Variants in CNNM2 observed in about 807,000 individuals in gnomAD.
The protein encoded by CNNM2 is cyclin and CBS domain divalent metal cation transport mediator 2.
In CNNM2, 12 loss-of-function variants were observed where a neutral mutation model predicts 66.9. The observed-to-expected ratio is 0.18, with a 90% CI of 0.11 to 0.29. The LOEUF (loss-of-function observed/expected upper bound fraction) is 0.29. CNNM2 is among the 10% of genes least tolerant of loss of function. CNNM2 has a pLI of 1.00. For synonymous variants in CNNM2, 557 were observed against 501.8 expected (o/e 1.11, Z -1.47); for missense variants, 705 against 1,167.7 (o/e 0.60, Z 5.77).
intron 1 of CNNM2, among the ~76,000 whole-genome samples, chr10:102,924,750 G>A (rs184219390): frequency 2.0e-5 from 3 of 151,900 alleles, no homozygotes; most frequent in East Asian, 1.9e-4. Context: ...GATTACAGGT[G>A]CATGCCACCA....
intron 1 of CNNM2, among the ~76,000 whole-genome samples, chr10:102,965,385 G>A (rs1197954595): frequency 1.3e-5 from 2 of 152,170 alleles, no homozygotes; most frequent in Non-Finnish European, 2.9e-5. Flanking sequence ...ATATAGACGG[G>A]GGATTATTTG....
intron 1 of CNNM2, among the ~76,000 whole-genome samples, chr10:102,988,083 G>T (rs1235650275): frequency 6.6e-6 from 1 of 152,140 alleles, no homozygotes; most frequent in Non-Finnish European, 1.5e-5. Flanking sequence ...TGGATCACCT[G>T]AGGTCAGGAG....
At chr10:102,980,123 C>G (rs915794353) in intron 1 of CNNM2, among the ~76,000 whole-genome samples, 5 of 151,784 alleles carry the variant, frequency 3.3e-5, no homozygotes, top group Non-Finnish European at 1.5e-5. Context: ...GCCATGTTGG[C>G]AGGCTGGTCT....
chr10:102,967,878 A>G (rs1009505845), intron 1 of CNNM2, among the ~76,000 whole-genome samples: 2 of 152,144 alleles, frequency 1.3e-5, no homozygotes, highest in African/African-American at 4.8e-5. Flanking sequence ...CATGGTGGCA[A>G]GTGCCTGTAA....
rs1425980851 is a variant in CNNM2, at chr10:103,086,144, G to GC, written c.*8965dup. On this transcript the variant is annotated 3_prime_UTR_variant, in exon 8 of 8. Transcript: ENST00000369878. ...AGTAGTGCATGTTTTTCTTCTATCT[G>GC]CAGGGTTGCTCTGGTAGCTCCATGG... 1 of 152,200 alleles carries GC rather than the reference G, an allele frequency of 6.6e-6. No homozygotes were observed. Among genetic ancestry groups the GC allele is most frequent in the Non-Finnish European group, 1.5e-5 (1 of 68,026 alleles). 9.4% of individuals were successfully genotyped at this position (152,200 alleles called of 1,614,324 possible). A position where few individuals can be genotyped will look rare whatever the true frequency, so the allele number is the denominator to read the frequency against.
At position 103,090,143 on chromosome 10, in the gene CNNM2, G is replaced by A; in HGVS notation, c.*12963G>A. On this transcript the variant is annotated 3_prime_UTR_variant, in exon 8 of 8. Coordinates refer to ENST00000369878, the MANE Select transcript of CNNM2 (RefSeq NM_017649.5). ...CTGCAGCTGGAAATTGGAAAAGATG[G>A]AGAGGGGAGTTTACTTTCTATTTTA... 2.3e-6 allele frequency: 1 copy of A among 439,954 alleles called. No homozygotes were observed. Among genetic ancestry groups the A allele is most frequent in the East Asian group, 3.4e-5 (1 of 29,450 alleles). The allele number at this position is 439,954 out of a possible 1,614,324, so 27.3% of individuals were successfully genotyped here.
rs548100686 is a variant in CNNM2 at position 102,997,288 on chromosome 10, G to T, written c.1622-52419G>T. On this transcript the variant is annotated intron_variant, in intron 1 of 7. Coordinates refer to ENST00000369878, the MANE Select transcript of CNNM2 (RefSeq NM_017649.5). ...GTTTTATCCTAATTCTTGATCCACTGCAGGTGACTGATTTCTCTGGAAGCT... is the reference window on the plus strand; with the variant it reads ...GTTTTATCCTAATTCTTGATCCACTTCAGGTGACTGATTTCTCTGGAAGCT... Among the ~76,000 whole-genome samples the T allele has an allele frequency of 3.3e-5, 5 of 152,258 alleles. No homozygotes were observed. The South Asian group carries it at 1.0e-3, about 32-fold the overall frequency.
In CNNM2 at chr10:103,054,872, A is replaced by G. The variant is rs563313493; in HGVS notation, c.1903+406A>G. On this transcript the variant is annotated intron_variant, in intron 3 of 7. Transcript: ENST00000369878. The surrounding 1 kb of genome is among the most constrained non-coding windows in gnomAD (Gnocchi z 5.2). ...CTTGTTTGATGGACAATTGAGTCCA[A>G]TCTCTCTTCAGCTTGTCCTGGAAGC... is the stretch of plus-strand genomic sequence containing the variant. 2.0e-5 allele frequency among the ~76,000 whole-genome samples: 3 copies of G among 152,336 alleles called. No individual in the cohort carries two copies. Among genetic ancestry groups the G allele is most frequent in the East Asian group, 1.9e-4 (1 of 5,184 alleles).
chr10:102,943,558 G>A lies in CNNM2; in HGVS notation c.1621+23457G>A, dbSNP rs116605959. ...TTTTCTTCTGTACTTTCTAAATTGA[G>A]CAGGCATTACTTTTATTATTTAGGA... On this transcript the variant is annotated intron_variant, in intron 1 of 7. Transcript: ENST00000369878. 0.012 allele frequency among the ~76,000 whole-genome samples: 1,898 copies of A among 152,206 alleles called. 49 individuals are homozygous for A. The highest frequency in any genetic ancestry group is 0.043 in the African/African-American group (1,804 of 41,516).
chr10:102,987,819 G>A (rs1455284802), intron 1 of CNNM2, among the ~76,000 whole-genome samples: 3 of 152,118 alleles, frequency 2.0e-5, no homozygotes, highest in African/African-American at 7.2e-5. Context: ...TGTGTGAAAT[G>A]TGGGGCAGGA....
At chr10:102,949,751 C>A (rs1157797520) in intron 1 of CNNM2, among the ~76,000 whole-genome samples, 1 of 152,048 alleles carries the variant, frequency 6.6e-6, no homozygotes, top group Non-Finnish European at 1.5e-5. Context: ...GATTGCGCCA[C>A]TGTACTCCAG....
At position 102,920,068 on chromosome 10, in the gene CNNM2, A is replaced by G; in HGVS notation, c.1588A>G (p.Lys530Glu). The G allele has an allele frequency of 6.2e-7, 1 of 1,614,124 alleles. No individual in the cohort carries two copies. The highest frequency in any genetic ancestry group is 8.5e-7 in the Non-Finnish European group (1 of 1,180,030). Residue 530 changes from lysine to glutamate, a missense_variant, in exon 1 of 8, where the codon AAG becomes GAG. By Grantham distance (56) the Lys-to-Glu change is moderately conservative (BLOSUM62 1). Transcript: ENST00000369878. ...HPLHFVFNDTKLDAMLEEFKK... is the reference protein window; with the variant it reads ...HPLHFVFNDTELDAMLEEFKK... ...CTTGCACTTTGTTTTCAATGACACC[A>G]AGTTGGACGCTATGCTGGAAGAATT...
In CNNM2 at chr10:103,087,884, A is replaced by G. The variant is rs138013121; in HGVS notation, c.*10704A>G. On this transcript the variant is annotated 3_prime_UTR_variant, in exon 8 of 8. Coordinates refer to ENST00000369878, the MANE Select transcript of CNNM2 (RefSeq NM_017649.5). Reference sequence around the variant, plus strand: ...CCATATAAGTCCAAAGTAGTGAGACAGACAGTATATCCTTGACTAAGTTAT... The same window carrying G: ...CCATATAAGTCCAAAGTAGTGAGACGGACAGTATATCCTTGACTAAGTTAT... 1 of 152,360 alleles carries G rather than the reference A, an allele frequency of 6.6e-6. No individual in the cohort carries two copies. The highest frequency in any genetic ancestry group is 1.9e-4 in the East Asian group (1 of 5,192). 9.4% of individuals were successfully genotyped at this position (152,360 alleles called of 1,614,324 possible). A position where few individuals can be genotyped will look rare whatever the true frequency, so the allele number is the denominator to read the frequency against.
chr10:103,051,621 T>C (rs1413386371), intron 2 of CNNM2, among the ~76,000 whole-genome samples: 1 of 151,668 alleles, frequency 6.6e-6, no homozygotes, highest in East Asian at 1.9e-4. Flanking sequence ...GCACCTGTGA[T>C]CCCAGCTACT....
intron 1 of CNNM2, among the ~76,000 whole-genome samples, chr10:102,920,597 C>G (rs1399208679): frequency 6.6e-6 from 1 of 152,114 alleles, no homozygotes; most frequent in Non-Finnish European, 1.5e-5. Context: ...TTTCAAAGAT[C>G]GAAGTACATT....
intron 1 of CNNM2, among the ~76,000 whole-genome samples, chr10:103,016,351 TTTTCAATA>T (rs767926630): frequency 3.3e-5 from 5 of 152,130 alleles, no homozygotes; most frequent in African/African-American, 4.8e-5. Flanking sequence ...TTTAAAAATC[TTTTCAATA>T]TTTCAATATT....
chr10:103,032,408 C>G (rs2064844271), intron 1 of CNNM2, among the ~76,000 whole-genome samples: 1 of 151,880 alleles, frequency 6.6e-6, no homozygotes, highest in Admixed American at 6.6e-5. Flanking sequence ...CCGAGATCAC[C>G]CCACCGCACT....
chr10:102,991,190 G>A (rs1198368706), intron 1 of CNNM2, among the ~76,000 whole-genome samples: 2 of 152,010 alleles, frequency 1.3e-5, no homozygotes, highest in African/African-American at 4.8e-5. Flanking sequence ...GTTTCACCAT[G>A]TTGGCCAGAC....
rs75563886 is a variant in CNNM2 at position 103,066,321 on chromosome 10, G to T, written c.2074-2308G>T. ...TCTCCAGACCTTCTTTCTCCCACTC[G>T]TGGTGTCCCTGTTCCTCAGCCCCTC... On this transcript the variant is annotated intron_variant, in intron 4 of 7. Transcript: ENST00000369878. Among the ~76,000 whole-genome samples the T allele has an allele frequency of 3.2e-3, 484 of 152,138 alleles. 3 individuals carry two copies. The highest frequency in any genetic ancestry group is 0.011 in the African/African-American group (465 of 41,492).
Sources: gnomAD v4.1 joint callset for allele counts (sites outside exome capture counted in the v4.1 genomes callset) on GRCh38, gnomAD v4.1.1 for gene constraint, Gnocchi (gnomAD v3.1) non-coding constraint, MANE v1.5 for transcripts, NCBI Gene and HGNC (gene_info 2026-07-23, HGNC 2026-07-21) for gene names.